GRIK4: variants seen among roughly 807,000 people sequenced by gnomAD.
GRIK4 encodes glutamate receptor ionotropic, kainate 4.
Under a neutral mutation model 104.9 loss-of-function variants are expected in GRIK4, and 40 were observed. The observed-to-expected ratio is 0.38, with a 90% CI of 0.30 to 0.50. The LOEUF is 0.50. Ranked by LOEUF, GRIK4 falls within the 20% of genes least tolerant of loss-of-function variation. The probability of loss-of-function intolerance (pLI) is 0.93; values close to 1 mark genes in which losing one functional copy is unlikely to be tolerated. For missense variants in GRIK4, 1,047 were observed against 1,308.1 expected (o/e 0.80, Z 3.08); for synonymous variants, 485 against 524.9 (o/e 0.92, Z 1.04).
At chr11:120,666,858 T>A (rs1423674784) in intron 3 of GRIK4, among the ~76,000 whole-genome samples, 1 of 152,242 alleles carries the variant, frequency 6.6e-6, no homozygotes, top group Non-Finnish European at 1.5e-5. Flanking sequence ...TTCAAAAGCC[T>A]GTCTCCAGCT....
chr11:120,888,963 G>A (rs1054918253), intron 11 of GRIK4, among the ~76,000 whole-genome samples: 2 of 152,168 alleles, frequency 1.3e-5, no homozygotes, highest in Admixed American at 6.5e-5. Flanking sequence ...CCCTGGACTT[G>A]TTTTTGATCT....
intron 13 of GRIK4, among the ~76,000 whole-genome samples, chr11:120,922,424 C>T (rs142198023): frequency 2.0e-5 from 3 of 152,180 alleles, no homozygotes; most frequent in African/African-American, 7.2e-5. Context: ...CCTGCCCTAC[C>T]CCACAGCTAG....
intron 8 of GRIK4, among the ~76,000 whole-genome samples, chr11:120,861,693 C>T (rs1465973781): frequency 2.0e-5 from 3 of 152,150 alleles, no homozygotes; most frequent in African/African-American, 7.2e-5. Context: ...AGGCACATGG[C>T]TTTTTTCTTT....
chr11:120,697,932 T>G lies in GRIK4; in HGVS notation c.82+37532T>G, dbSNP rs77185908. On this transcript the variant is annotated intron_variant, in intron 3 of 20. Transcript: ENST00000527524. ...TCTCACATCACTGATGCACTGCTCCTTACCTCCTCCTGCTCATAGAAGAGG... is the reference window on the plus strand; with the variant it reads ...TCTCACATCACTGATGCACTGCTCCGTACCTCCTCCTGCTCATAGAAGAGG... Among the ~76,000 whole-genome samples, 1,170 of 152,226 alleles carry G rather than the reference T, an allele frequency of 7.7e-3. 13 individuals are homozygous for G. Among genetic ancestry groups the G allele is most frequent in the African/African-American group, 0.026 (1,091 of 41,530 alleles).
chr11:120,785,430 G>A (rs1952247215), intron 3 of GRIK4, among the ~76,000 whole-genome samples: 1 of 152,134 alleles, frequency 6.6e-6, no homozygotes, highest in Non-Finnish European at 1.5e-5. Flanking sequence ...ATATCAATCA[G>A]GTATCCAGAG....
Position 120,549,022 on chromosome 11 carries a change from G to A in GRIK4, c.-159+37135G>A, listed in dbSNP as rs532644968. ...GGACACAGCACCTCGTGCATGACCA[G>A]GTTTCCCCTCTTCCTGGCTTTGTCA... On this transcript the variant is annotated intron_variant, in intron 1 of 20. Transcript: ENST00000527524. The surrounding 1 kb of genome is among the most constrained non-coding windows in gnomAD (Gnocchi z 4.7). 6.6e-6 allele frequency among the ~76,000 whole-genome samples: 1 copy of A among 152,306 alleles called. No homozygotes were observed. The highest frequency in any genetic ancestry group is 2.4e-5 in the African/African-American group (1 of 41,568).
At chr11:120,750,397 C>T (rs191936833) in intron 3 of GRIK4, among the ~76,000 whole-genome samples, 53 of 130,450 alleles carry the variant, frequency 4.1e-4, no homozygotes, top group African/African-American at 1.4e-3. Flanking sequence ...TGTAGAGTCT[C>T]GCTCCGTGGT....
intron 11 of GRIK4, among the ~76,000 whole-genome samples, chr11:120,887,688 A>G (rs1955161107): frequency 6.6e-6 from 1 of 152,218 alleles, no homozygotes; most frequent in Non-Finnish European, 1.5e-5. Flanking sequence ...ATTTCATGCT[A>G]GGTATTGGGC....
At chr11:120,964,669 C>G (rs555246594) in intron 18 of GRIK4, among the ~76,000 whole-genome samples, 2 of 152,230 alleles carry the variant, frequency 1.3e-5, no homozygotes, top group South Asian at 4.2e-4. Flanking sequence ...GACCACAACT[C>G]TAGAAATTTT....
Position 120,961,036 on chromosome 11 carries a change from G to A in GRIK4, c.2002G>A (p.Gly668Ser). The A allele has an allele frequency of 6.2e-7, 1 of 1,614,102 alleles. No individual in the cohort carries two copies. Among genetic ancestry groups the A allele is most frequent in the South Asian group, 1.1e-5 (1 of 91,066 alleles). ...GGCTGACCAGACCGCCATTGAATATGGCACAATTCACGGAGGCTCCAGCAT... is the reference window on the plus strand; with the variant it reads ...GGCTGACCAGACCGCCATTGAATATAGCACAATTCACGGAGGCTCCAGCAT... ...DLADQTAIEY[G>S]TIHGGSSMTF... The change falls in exon 17 of 21, where the codon GGC becomes AGC. Residue 668 changes from glycine (G) to serine (S), a missense_variant. Gly to Ser is a moderately conservative substitution (Grantham distance 56). This residue lies in a region of GRIK4 where 440 missense variants were observed against 652.3 expected (regional missense o/e 0.67). Coordinates refer to ENST00000527524, the MANE Select transcript of GRIK4 (RefSeq NM_014619.5).
intron 3 of GRIK4, among the ~76,000 whole-genome samples, chr11:120,753,313 G>GTA (rs1951591345): frequency 1.8e-5 from 2 of 110,294 alleles, no homozygotes; most frequent in African/African-American, 3.3e-5. Context: ...GTGTGTGTGT[G>GTA]TGTGTGTGTG....
At position 120,952,858 on chromosome 11, in the gene GRIK4, C is replaced by G. The variant is rs751376743; in HGVS notation, c.1594C>G (p.Arg532Gly). ...ISILYRVHMG[R>G]KPGYFSFLDP... is the part of the protein sequence containing the mutation. ...TTGTTTTTCTCTCCATTTCCAGGGA[C>G]GCAAACCCGGCTATTTCTCCTTCCT... The change falls in exon 15 of 21, where the codon CGC (arginine) becomes GGC (glycine). Residue 532 changes from arginine (R) to glycine (G), a missense_variant. Transcript: ENST00000527524. This position sits in a 1 kb window ranked among gnomAD's most constrained non-coding sequence, Gnocchi z 5.2. 6.2e-7 allele frequency: 1 copy of G among 1,609,212 alleles called. No homozygotes were observed. Among genetic ancestry groups the G allele is most frequent in the Non-Finnish European group, 8.5e-7 (1 of 1,175,620 alleles).
At chr11:120,626,498 G>T (rs1336229223) in intron 1 of GRIK4, among the ~76,000 whole-genome samples, 4 of 152,158 alleles carry the variant, frequency 2.6e-5, no homozygotes, top group Non-Finnish European at 5.9e-5. Context: ...AAGAGGTTGT[G>T]CTGTCTCAAA....
At chr11:120,926,534 A>C (rs181102304) in intron 13 of GRIK4, among the ~76,000 whole-genome samples, 15 of 152,356 alleles carry the variant, frequency 9.8e-5, no homozygotes, top group Middle Eastern at 3.4e-3. Flanking sequence ...AAAGAGGTTA[A>C]GTAACTGGCC....
intron 1 of GRIK4, among the ~76,000 whole-genome samples, chr11:120,604,568 G>A (rs1948933874): frequency 6.6e-6 from 1 of 152,226 alleles, no homozygotes. Context: ...TGGGAACTGT[G>A]ACCTGAAGAC....
At chr11:120,900,789 G>A (rs1942714233) in intron 12 of GRIK4, among the ~76,000 whole-genome samples, 1 of 152,178 alleles carries the variant, frequency 6.6e-6, no homozygotes, top group African/African-American at 2.4e-5. Flanking sequence ...CCAGCCCCCA[G>A]GGTTTCACCC....
At chr11:120,753,297 CTGTGTGTGTGTGTGTG>C (rs57423619) in intron 3 of GRIK4, among the ~76,000 whole-genome samples, 130 of 130,278 alleles carry the variant, frequency 1.0e-3, no homozygotes, top group South Asian at 6.0e-3. Context: ...CAACACAACT[CTGTGTGTGTGTGTGTG>C]TGTGTGTGTG....
chr11:120,949,511 C>T (rs2134679309), intron 14 of GRIK4, among the ~76,000 whole-genome samples: 1 of 152,238 alleles, frequency 6.6e-6, no homozygotes, highest in South Asian at 2.1e-4. Flanking sequence ...AACTCACAGT[C>T]AACAGAGACG....
At chr11:120,678,620 GTTT>G (rs10607182) in intron 3 of GRIK4, among the ~76,000 whole-genome samples, 110 of 146,202 alleles carry the variant, frequency 7.5e-4, no homozygotes, top group South Asian at 1.7e-3. Context: ...CACTAGAAGG[GTTT>G]TTTTTTTTTT....
Sources: gnomAD v4.1 joint callset for allele counts (sites outside exome capture counted in the v4.1 genomes callset) on GRCh38, gnomAD v4.1.1 for gene constraint, gnomAD v4.1.1 regional missense constraint, Gnocchi (gnomAD v3.1) non-coding constraint, MANE v1.5 for transcripts, NCBI Gene and HGNC (gene_info 2026-07-23, HGNC 2026-07-21) for gene names.